Variants in CTNNA3 observed in about 807,000 individuals in gnomAD.
CTNNA3 encodes catenin alpha-3.
A neutral mutation model predicts 95.7 loss-of-function variants in CTNNA3; 76 were observed. That is an observed-to-expected ratio of 0.79 (90% CI 0.66 to 0.96). The LOEUF is 0.96. Among genes scored for constraint, CTNNA3 ranks in the 40% least tolerant of loss-of-function variants. The pLI, the probability that CTNNA3 is intolerant of heterozygous loss-of-function variation, is 0.00. For missense variants in CTNNA3, 1,191 were observed against 1,089.8 expected, an observed-to-expected ratio of 1.09 and a Z score of -1.31; for synonymous variants, 431 against 374.4, an observed-to-expected ratio of 1.15 and a Z score of -1.74.
At chr10:66,865,693 T>C (rs116241084) in intron 7 of CTNNA3, among the ~76,000 whole-genome samples, 2,290 of 152,230 alleles carry the variant, frequency 0.015, 40 homozygotes, top group African/African-American at 0.043. Flanking sequence ...TTTTTCATTT[T>C]CAGCTATCCA....
chr10:66,847,135 T>C (rs1843311027), intron 7 of CTNNA3, among the ~76,000 whole-genome samples: 1 of 152,206 alleles, frequency 6.6e-6, no homozygotes, highest in Non-Finnish European at 1.5e-5. Flanking sequence ...CCTGACATTT[T>C]ATGTTTATGT....
chr10:66,013,553 G>A (rs750395656), intron 15 of CTNNA3, among the ~76,000 whole-genome samples: 31 of 152,110 alleles, frequency 2.0e-4, no homozygotes, highest in Admixed American at 1.0e-3. Flanking sequence ...TTGCTAACGC[G>A]CTTTTAACTG....
chr10:66,933,613 A>C (rs1820832694), intron 7 of CTNNA3, among the ~76,000 whole-genome samples: 1 of 152,156 alleles, frequency 6.6e-6, no homozygotes, highest in Admixed American at 6.6e-5. Context: ...ATCTGCTCTG[A>C]TGTTTCTCCC....
chr10:67,428,023 T>C (rs1453820403), intron 5 of CTNNA3, among the ~76,000 whole-genome samples: 2 of 152,082 alleles, frequency 1.3e-5, no homozygotes, highest in South Asian at 2.1e-4. Flanking sequence ...AGGTCTCCCA[T>C]AGAAATTCAG....
In CTNNA3 at chr10:66,222,622, A is replaced by AAAAGAAAGAAAGAAAG. The variant is rs147010411; in HGVS notation, c.1884+57832_1884+57847dup. On this transcript the variant is annotated intron_variant, in intron 13 of 17. Transcript: ENST00000433211. ...AACGAAAGAAAGAAAGAAAGAAAGA[A>AAAAGAAAGAAAGAAAG]AAAGAAAGAAAGAAAGAAAGAAAAG... 4.9e-3 allele frequency among the ~76,000 whole-genome samples: 319 copies of AAAAGAAAGAAAGAAAG among 65,278 alleles called. 1 individual carries two copies. The highest frequency in any genetic ancestry group is 0.013 in the African/African-American group (304 of 24,174). 42.8% of individuals were successfully genotyped at this position (65,278 alleles called of 152,430 possible).
chr10:65,929,656 C>T (rs2077220533), intron 17 of CTNNA3, among the ~76,000 whole-genome samples: 1 of 151,656 alleles, frequency 6.6e-6, no homozygotes, highest in Non-Finnish European at 1.5e-5. Context: ...GCAACCTCCA[C>T]CTTCCGGGTT....
intron 11 of CTNNA3, among the ~76,000 whole-genome samples, chr10:66,501,136 A>G (rs543686920): frequency 6.6e-6 from 1 of 152,286 alleles, no homozygotes; most frequent in East Asian, 1.9e-4. Context: ...CATTTTACAA[A>G]CTTATGAAGA....
chr10:66,732,104 T>C (rs1848981423), intron 9 of CTNNA3, among the ~76,000 whole-genome samples: 1 of 152,226 alleles, frequency 6.6e-6, no homozygotes, highest in South Asian at 2.1e-4. Flanking sequence ...ATTGACTCAA[T>C]TTGCCCAGGT....
At chr10:67,643,739 T>A (rs1422347523) in intron 2 of CTNNA3, among the ~76,000 whole-genome samples, 1 of 151,936 alleles carries the variant, frequency 6.6e-6, no homozygotes, top group Admixed American at 6.6e-5. Context: ...TGTGTCCATG[T>A]GTTCTCATTG....
chr10:66,901,558 C>T (rs1213865082), intron 7 of CTNNA3, among the ~76,000 whole-genome samples: 1 of 152,062 alleles, frequency 6.6e-6, no homozygotes, highest in Admixed American at 6.5e-5. Flanking sequence ...GGTTAAATGC[C>T]CTAATTAAAA....
At chr10:66,984,604 T>C (rs1358168464) in intron 7 of CTNNA3, among the ~76,000 whole-genome samples, 3 of 152,182 alleles carry the variant, frequency 2.0e-5, no homozygotes, top group Admixed American at 2.0e-4. Flanking sequence ...AATGCGTTCA[T>C]GATTCCTTTT....
intron 1 of CTNNA3, among the ~76,000 whole-genome samples, chr10:67,650,086 G>T (rs1176877707): frequency 1.3e-5 from 2 of 152,062 alleles, no homozygotes; most frequent in Non-Finnish European, 2.9e-5. Flanking sequence ...TGATCCGCCC[G>T]CCTCACCCTC....
intron 5 of CTNNA3, among the ~76,000 whole-genome samples, chr10:67,514,153 A>G (rs1315611588): frequency 6.6e-6 from 1 of 152,138 alleles, no homozygotes; most frequent in African/African-American, 2.4e-5. Flanking sequence ...ACAAAAAATT[A>G]GCTGGGCATG....
chr10:66,553,916 AT>A (rs1842308968), intron 10 of CTNNA3, among the ~76,000 whole-genome samples: 1 of 152,092 alleles, frequency 6.6e-6, no homozygotes, highest in South Asian at 2.1e-4. Context: ...ATTATAGGCT[AT>A]TTTTGTCATA....
Position 67,551,032 on chromosome 10 carries a change from C to T in CTNNA3, c.293-11363G>A, listed in dbSNP as rs577626956. The stretch of plus-strand genomic sequence containing the variant: ...AGGGCTCCACCTCCAGGCCTGTGCC[C>T]ACAGACCTAGGTGAGGACAGGCACT... On this transcript the variant is annotated intron_variant, in intron 3 of 17. Transcript: ENST00000433211. 1.5e-4 allele frequency among the ~76,000 whole-genome samples: 23 copies of T among 152,096 alleles called. 1 individual carries two copies. The South Asian group carries it at 2.5e-3, about 16-fold the overall frequency.
chr10:66,255,595 A>G (rs752367401), intron 13 of CTNNA3, among the ~76,000 whole-genome samples: 9 of 151,872 alleles, frequency 5.9e-5, no homozygotes, highest in Non-Finnish European at 1.2e-4. Flanking sequence ...CTCCCACTTT[A>G]CCTACACCCT....
chr10:66,889,479 A>T (rs1845175260), intron 7 of CTNNA3, among the ~76,000 whole-genome samples: 1 of 152,168 alleles, frequency 6.6e-6, no homozygotes, highest in African/African-American at 2.4e-5. Context: ...TGCAGTGTGT[A>T]TGTGGTAAAT....
At chr10:66,285,698 A>T (rs928239364) in intron 12 of CTNNA3, among the ~76,000 whole-genome samples, 16 of 151,694 alleles carry the variant, frequency 1.1e-4, no homozygotes, top group Non-Finnish European at 1.2e-4. Flanking sequence ...TTATTTTTTT[A>T]AATTGCTTGG....
chr10:67,264,590 A>G (rs1408724473), intron 5 of CTNNA3, among the ~76,000 whole-genome samples: 1 of 152,172 alleles, frequency 6.6e-6, no homozygotes, highest in Admixed American at 6.5e-5. Context: ...TGGAACAGAC[A>G]TTAAATGCCT....
Sources: allele counts gnomAD v4.1 joint callset (sites outside exome capture counted in the v4.1 genomes callset), GRCh38; gene constraint gnomAD v4.1.1; transcripts MANE v1.5; gene names NCBI Gene and HGNC (gene_info 2026-07-23, HGNC 2026-07-21).